The following ZNF366 variants were observed in gnomAD, a reference collection of about 807,000 sequenced individuals.
The protein encoded by ZNF366 is zinc finger protein 366.
A neutral mutation model predicts 47.2 loss-of-function variants in ZNF366; 20 were observed. That is an observed-to-expected ratio of 0.42 (90% CI 0.30 to 0.62). The LOEUF is 0.62. ZNF366 is among the 20% of genes least tolerant of loss of function. The pLI is 0.16. For synonymous variants in ZNF366, 421 were observed against 395.1 expected (o/e 1.07, Z -0.78); for missense variants, 987 against 976.3 (o/e 1.01, Z -0.15).
rs376665789 is a variant in ZNF366 at position 72,444,023 on chromosome 5, G to C, written c.1968C>G (p.Pro656=). ...CCTTGCAGGCTTCCTCCAGCACCTC[G>C]GGGGCGTGCTCCGACTTGGTGGACA... ...EDLSTKSEHA[P]EVLEEACKEE... Residue 656 remains proline (P), a synonymous_variant, in exon 5 of 5, where the codon CCC becomes CCG. Transcript: ENST00000318442. 3.1e-6 allele frequency: 5 copies of C among 1,614,136 alleles called. No homozygotes were observed. The highest frequency in any genetic ancestry group is 2.2e-5 in the East Asian group (1 of 44,878).
At chr5:72,445,077 G>A (rs2112313514) in intron 4 of ZNF366, among the ~76,000 whole-genome samples, 1 of 152,326 alleles carries the variant, frequency 6.6e-6, no homozygotes, top group Non-Finnish European at 1.5e-5. Context: ...CTCATAGACA[G>A]GGTAGAGATG....
chr5:72,465,519 G>A (rs924311073), intron 1 of ZNF366, among the ~76,000 whole-genome samples: 4 of 152,112 alleles, frequency 2.6e-5, no homozygotes, highest in South Asian at 4.1e-4. Flanking sequence ...CACATGCTCC[G>A]CTCTATTTCT....
intron 1 of ZNF366, among the ~76,000 whole-genome samples, chr5:72,504,903 T>C (rs1744290749): frequency 6.6e-6 from 1 of 152,168 alleles, no homozygotes; most frequent in Non-Finnish European, 1.5e-5. Context: ...TTTAGAGCAG[T>C]TAAGTACCTG....
At chr5:72,484,446 T>G in intron 1 of ZNF366, among the ~76,000 whole-genome samples, 1 of 145,746 alleles carries the variant, frequency 6.9e-6, no homozygotes, top group East Asian at 2.0e-4. Context: ...ATCCCGCCAC[T>G]GCACTCCAGC....
At chr5:72,464,255 A>G (rs908834317) in intron 1 of ZNF366, among the ~76,000 whole-genome samples, 4 of 152,204 alleles carry the variant, frequency 2.6e-5, no homozygotes, top group Non-Finnish European at 4.4e-5. Context: ...GTACATGGCT[A>G]ATGACGTGTT....
chr5:72,493,292 T>C (rs557681680), intron 1 of ZNF366, among the ~76,000 whole-genome samples: 301 of 152,342 alleles, frequency 2.0e-3, no homozygotes, highest in Non-Finnish European at 2.6e-3. Flanking sequence ...CATTAACTCA[T>C]GTGATCATCA....
rs1742864810 is a variant in ZNF366 at position 72,442,089 on chromosome 5, ATCT to A, written c.*1664_*1666del. On this transcript the variant is annotated 3_prime_UTR_variant, in exon 5 of 5. Transcript: ENST00000318442. ...AGTGACCATAAACATCACAGGCATC[ATCT>A]TCTAGTATAATGTAAAAAGTGTGTA... 6.6e-6 allele frequency: 1 copy of A among 152,290 alleles called. No homozygotes were observed. Among genetic ancestry groups the A allele is most frequent in the East Asian group, 1.9e-4 (1 of 5,174 alleles). The allele number at this position is 152,290 out of a possible 1,614,324, so 9.4% of individuals were successfully genotyped here.
In ZNF366 at chr5:72,444,230, C is replaced by T. The variant is rs746232474; in HGVS notation, c.1761G>A (p.Gln587=). The T allele has an allele frequency of 3.7e-6, 6 of 1,613,430 alleles. No individual in the cohort carries two copies. The highest frequency in any genetic ancestry group is 3.4e-6 in the Non-Finnish European group (4 of 1,180,044). Residue 587 remains glutamine (Q), a synonymous_variant, in exon 5 of 5, where the codon CAG becomes CAA. Coordinates refer to ENST00000318442, the MANE Select transcript of ZNF366 (RefSeq NM_152625.3). ...TCTGAGAGAGGTCAAAGGGCTCCTCCTGCTCCAGACTCCTCAGGACACCGG... is the reference window on the plus strand; with the variant it reads ...TCTGAGAGAGGTCAAAGGGCTCCTCTTGCTCCAGACTCCTCAGGACACCGG... ...QTAGVLRSLE[Q]EEPFDLSQKR...
At chr5:72,448,558 G>A (rs1001540439) in intron 3 of ZNF366, among the ~76,000 whole-genome samples, 9 of 152,234 alleles carry the variant, frequency 5.9e-5, no homozygotes, top group Admixed American at 1.3e-4. Flanking sequence ...GAATGTTAAG[G>A]GAGGAGAATT....
intron 1 of ZNF366, among the ~76,000 whole-genome samples, chr5:72,503,093 C>A (rs1367982947): frequency 6.6e-6 from 1 of 152,026 alleles, no homozygotes; most frequent in Non-Finnish European, 1.5e-5. Flanking sequence ...CCACTGTACT[C>A]TAGCCTGGGT....
intron 4 of ZNF366, 64 bp downstream of exon 4, chr5:72,447,179 C>T (rs970862557): frequency 3.2e-5 from 51 of 1,581,464 alleles, no homozygotes; most frequent in African/African-American, 2.7e-4. Flanking sequence ...CCCCATAAAA[C>T]GAATTCAGCT....
chr5:72,452,466 G>A (rs1372567167), intron 3 of ZNF366, among the ~76,000 whole-genome samples: 1 of 152,178 alleles, frequency 6.6e-6, no homozygotes, highest in Non-Finnish European at 1.5e-5. Flanking sequence ...CTGCTATCTG[G>A]TCACTGCCTT....
At chr5:72,499,871 G>A (rs112591453) in intron 1 of ZNF366, among the ~76,000 whole-genome samples, 3 of 151,478 alleles carry the variant, frequency 2.0e-5, no homozygotes, top group Non-Finnish European at 4.4e-5. Flanking sequence ...GCTCCATCCA[G>A]GCAGAGGCCC....
chr5:72,465,880 T>C (rs866322298), intron 1 of ZNF366, among the ~76,000 whole-genome samples: 1 of 152,214 alleles, frequency 6.6e-6, no homozygotes, highest in Non-Finnish European at 1.5e-5. Flanking sequence ...TAAGTTACTT[T>C]TGAGGTTTGA....
At position 72,492,418 on chromosome 5, in the gene ZNF366, GA is replaced by G. The variant is rs1744030895; in HGVS notation, c.-15+14832del. Among the ~76,000 whole-genome samples the G allele has an allele frequency of 1.3e-5, 2 of 152,156 alleles. 1 individual carries two copies. The highest frequency in any genetic ancestry group is 4.1e-4 in the South Asian group (2 of 4,822). On this transcript the variant is annotated intron_variant, in intron 1 of 4. Transcript: ENST00000318442. The stretch of plus-strand genomic sequence containing the variant: ...TCTTGGAAAAAGCAGTGGAGTCTGA[GA>G]AACTAATTTTTTCTTCATTGGCCCA...
At chr5:72,489,665 G>A (rs1050773217) in intron 1 of ZNF366, among the ~76,000 whole-genome samples, 1 of 152,214 alleles carries the variant, frequency 6.6e-6, no homozygotes, top group African/African-American at 2.4e-5. Flanking sequence ...TGAGAAGAAT[G>A]AGAATGAACT....
chr5:72,504,081 A>T (rs2112360549), intron 1 of ZNF366, among the ~76,000 whole-genome samples: 1 of 151,824 alleles, frequency 6.6e-6, no homozygotes, highest in East Asian at 1.9e-4. Flanking sequence ...GCACACACAC[A>T]TGCGCGCGCA....
chr5:72,443,593 AC>A lies in ZNF366; in HGVS notation c.*162del, dbSNP rs1381038928. The A allele has an allele frequency of 1.3e-6, 1 of 757,396 alleles. No homozygotes were observed. The highest frequency in any genetic ancestry group is 2.7e-5 in the East Asian group (1 of 36,978). The allele number at this position is 757,396 out of a possible 1,614,324, so 46.9% of individuals were successfully genotyped here. Reference sequence around the variant, plus strand: ...AAGGGTATCAAGGGCCCCGTGAATGACCTGAGAAGGCTTTCCATTACCTACA... The same window carrying A: ...AAGGGTATCAAGGGCCCCGTGAATGACTGAGAAGGCTTTCCATTACCTACA... On this transcript the variant is annotated 3_prime_UTR_variant, in exon 5 of 5. Coordinates refer to ENST00000318442, the MANE Select transcript of ZNF366 (RefSeq NM_152625.3).
chr5:72,492,470 T>TAAAC (rs1251155981), intron 1 of ZNF366, among the ~76,000 whole-genome samples: 1 of 152,118 alleles, frequency 6.6e-6, no homozygotes, highest in Admixed American at 6.6e-5. Flanking sequence ...TGTTAAACAA[T>TAAAC]AAACAAACAA....
Sources: allele counts gnomAD v4.1 joint callset (sites outside exome capture counted in the v4.1 genomes callset), GRCh38; gene constraint gnomAD v4.1.1; transcripts MANE v1.5; gene names NCBI Gene and HGNC (gene_info 2026-07-23, HGNC 2026-07-21).